Variants in CDC25A observed in about 807,000 individuals in gnomAD.
The protein encoded by CDC25A is M-phase inducer phosphatase 1.
In CDC25A, 17 loss-of-function variants were observed where a neutral mutation model predicts 64.6. The observed-to-expected ratio is 0.26, with a 90% CI of 0.18 to 0.39. CDC25A has a LOEUF of 0.39. Ranked by LOEUF, CDC25A falls within the 10% of genes least tolerant of loss-of-function variation. The pLI is 1.00. For synonymous variants in CDC25A, 229 were observed against 238.6 expected (o/e 0.96, Z 0.37); for missense variants, 473 against 654.8 (o/e 0.72, Z 3.03).
At chr3:48,165,951 A>G (rs139743505) in intron 10 of CDC25A, 58 bp from the exon 11 acceptor site, 3 of 1,179,434 alleles carry the variant, frequency 2.5e-6, no homozygotes, top group Non-Finnish European at 2.5e-6. Flanking sequence ...ATTCACACTT[A>G]TACTGTTTTG....
At chr3:48,164,730 A>G (rs2031930087) in intron 12 of CDC25A, among the ~76,000 whole-genome samples, 1 of 152,168 alleles carries the variant, frequency 6.6e-6, no homozygotes, top group Admixed American at 6.5e-5. Context: ...GGGGATTTTC[A>G]AAAGCCACAA....
At chr3:48,186,333 C>CCGAGGAAGGCGGAT (rs2032842712) in intron 2 of CDC25A, among the ~76,000 whole-genome samples, 1 of 152,144 alleles carries the variant, frequency 6.6e-6, no homozygotes, top group Non-Finnish European at 1.5e-5. Flanking sequence ...CTTTGGGAGG[C>CCGAGGAAGGCGGAT]CGAGGAAGGC....
chr3:48,179,419 G>T (rs1443730215), intron 6 of CDC25A, among the ~76,000 whole-genome samples: 2 of 152,148 alleles, frequency 1.3e-5, no homozygotes, highest in African/African-American at 4.8e-5. Flanking sequence ...GTCCAGGCTG[G>T]AGTACAGTGG....
chr3:48,187,715 G>C (rs1303772788), intron 1 of CDC25A, 63 bp downstream of exon 1: 1 of 1,456,526 alleles, frequency 6.9e-7, no homozygotes, highest in Non-Finnish European at 9.2e-7. Flanking sequence ...TTCCTGGCCT[G>C]ATCTCTCCGA....
At chr3:48,182,806 C>T (rs2032712830) in intron 5 of CDC25A, 123 bp downstream of exon 5, 1 of 657,900 alleles carries the variant, frequency 1.5e-6, no homozygotes, top group East Asian at 2.6e-5. Context: ...AATTCTCTGA[C>T]TCCAAAGACC....
chr3:48,168,008 C>T (rs750982492), intron 9 of CDC25A, 64 bp from the exon 10 acceptor site: 14 of 938,758 alleles, frequency 1.5e-5, no homozygotes, highest in Admixed American at 3.5e-5. Flanking sequence ...AAAACATTCA[C>T]TTGGAGCATG....
rs749260890 is a variant in CDC25A at position 48,159,465 on chromosome 3, G to C, written c.1323-10C>G. 1.2e-6 allele frequency: 2 copies of C among 1,600,556 alleles called. No homozygotes were observed. On this transcript the variant is annotated splice_polypyrimidine_tract_variant and intron_variant, in intron 13 of 14. Coordinates refer to ENST00000302506, the MANE Select transcript of CDC25A (RefSeq NM_001789.3). Reference sequence around the variant, plus strand: ...TCTCACATACCGGCACCTAGTCAGGGGAAGGAAGGCCAAAGCAGGGTTAGC... The same window carrying C: ...TCTCACATACCGGCACCTAGTCAGGCGAAGGAAGGCCAAAGCAGGGTTAGC...
chr3:48,164,279 C>G, intron 13 of CDC25A, 28 bp downstream of exon 13: 1 of 1,490,952 alleles, frequency 6.7e-7, no homozygotes, highest in Non-Finnish European at 8.9e-7. Flanking sequence ...AGCCTGTGCC[C>G]CAGAACCCAG....
intron 13 of CDC25A, among the ~76,000 whole-genome samples, chr3:48,162,934 T>C (rs974472807): frequency 6.6e-6 from 1 of 151,820 alleles, no homozygotes; most frequent in Non-Finnish European, 1.5e-5. Flanking sequence ...GAGGATTGCT[T>C]GAGGCCAGGA....
Position 48,157,241 on chromosome 3 carries a change from G to A in CDC25A, c.*1704C>T, listed in dbSNP as rs1269184370. On this transcript the variant is annotated 3_prime_UTR_variant, in exon 15 of 15. Coordinates refer to ENST00000302506, the MANE Select transcript of CDC25A (RefSeq NM_001789.3). The stretch of plus-strand genomic sequence containing the variant: ...TTGGTTAGTAATGCTAGCTAAGCTG[G>A]TATAATCTGAAGGCCATCCCACCTT... 1 of 152,146 alleles carries A rather than the reference G, an allele frequency of 6.6e-6. No homozygotes were observed. Among genetic ancestry groups the A allele is most frequent in the Non-Finnish European group, 1.5e-5 (1 of 68,044 alleles). The allele number at this position is 152,146 out of a possible 1,614,324, so 9.4% of individuals were successfully genotyped here.
At chr3:48,159,249 G>C in intron 14 of CDC25A, 95 bp downstream of exon 14, 1 of 1,279,066 alleles carries the variant, frequency 7.8e-7, no homozygotes, top group Non-Finnish European at 1.1e-6. Flanking sequence ...CTTGTCCCCC[G>C]ACCCCTGGAA....
intron 13 of CDC25A, among the ~76,000 whole-genome samples, chr3:48,159,857 G>T (rs574606617): frequency 1.4e-4 from 21 of 152,264 alleles, no homozygotes; most frequent in Non-Finnish European, 2.5e-4. Flanking sequence ...CTTTTAAAGA[G>T]GCTGAACTTG....
rs192577698 is a variant in CDC25A at position 48,171,664 on chromosome 3, C to G, written c.930+2620G>C. 1.3e-3 allele frequency among the ~76,000 whole-genome samples: 199 copies of G among 152,150 alleles called. 1 individual carries two copies. Among genetic ancestry groups the G allele is most frequent in the Admixed American group, 2.0e-3 (30 of 15,290 alleles). The stretch of plus-strand genomic sequence containing the variant: ...AAAGTGCTGGGATTACAGGAGTGAA[C>G]CACAGCACTCAGCCAGAATATTATT... On this transcript the variant is annotated intron_variant, in intron 9 of 14. Transcript: ENST00000302506.
At chr3:48,175,792 T>C (rs1234268738) in intron 8 of CDC25A, among the ~76,000 whole-genome samples, 3 of 152,248 alleles carry the variant, frequency 2.0e-5, no homozygotes, top group Non-Finnish European at 4.4e-5. Context: ...CTGGTAAATT[T>C]ACTCATAACA....
chr3:48,159,680 A>G (rs2031665972), intron 13 of CDC25A, among the ~76,000 whole-genome samples: 1 of 152,078 alleles, frequency 6.6e-6, no homozygotes, highest in Non-Finnish European at 1.5e-5. Context: ...TCCTTTCTCC[A>G]ACAATCCTAG....
intron 4 of CDC25A, 69 bp from the exon 5 acceptor site, chr3:48,183,099 A>G: frequency 1.9e-6 from 2 of 1,061,102 alleles, no homozygotes; most frequent in Admixed American, 3.7e-5. Context: ...TCAGTTCTCA[A>G]AAGAAAAAAA....
chr3:48,167,034 A>G (rs2106705030), intron 10 of CDC25A, among the ~76,000 whole-genome samples: 1 of 152,118 alleles, frequency 6.6e-6, no homozygotes, highest in South Asian at 2.1e-4. Flanking sequence ...CCAACCCCAG[A>G]CGTTCCCCAA....
rs2032502445 is a variant in CDC25A, at chr3:48,177,363, C to A, written c.756+8G>T. 6.2e-7 allele frequency: 1 copy of A among 1,612,164 alleles called. No individual in the cohort carries two copies. The highest frequency in any genetic ancestry group is 1.1e-5 in the South Asian group (1 of 91,048). On this transcript the variant is annotated splice_region_variant and intron_variant, in intron 8 of 14. Transcript: ENST00000302506. ...AGGGCTTCCTCCAGACACACTAGAA[C>A]AACTCACAAGGTTTGTAGTTCTCAT... is the stretch of plus-strand genomic sequence containing the variant.
At chr3:48,173,458 A>G (rs982209797) in intron 9 of CDC25A, among the ~76,000 whole-genome samples, 1 of 152,190 alleles carries the variant, frequency 6.6e-6, no homozygotes, top group Non-Finnish European at 1.5e-5. Flanking sequence ...CAACACAACA[A>G]GCCCCAAGAA....
Sources: gnomAD v4.1 joint callset for allele counts (sites outside exome capture counted in the v4.1 genomes callset) on GRCh38, gnomAD v4.1.1 for gene constraint, MANE v1.5 for transcripts, NCBI Gene and HGNC (gene_info 2026-07-23, HGNC 2026-07-21) for gene names.